PTPRO: variants seen among roughly 807,000 people sequenced by gnomAD.
The protein encoded by PTPRO is receptor-type tyrosine-protein phosphatase O.
A neutral mutation model predicts 145.2 loss-of-function variants in PTPRO; 62 were observed. The observed-to-expected ratio is 0.43, with a 90% CI of 0.35 to 0.53. PTPRO has a LOEUF of 0.53. Among genes scored for constraint, PTPRO ranks in the 20% least tolerant of loss-of-function variants. The pLI is 0.01. For missense variants in PTPRO, 1,345 were observed against 1,482.7 expected, an observed-to-expected ratio of 0.91 and a Z score of 1.53; for synonymous variants, 565 against 514.7, an observed-to-expected ratio of 1.10 and a Z score of -1.32.
chr12:15,488,214 G>A (rs1941930012), intron 2 of PTPRO, among the ~76,000 whole-genome samples: 1 of 152,132 alleles, frequency 6.6e-6, no homozygotes, highest in Non-Finnish European at 1.5e-5. Context: ...TTTCCAAAGA[G>A]TAAAATTAAT....
At chr12:15,579,346 T>C (rs1370400872) in intron 20 of PTPRO, among the ~76,000 whole-genome samples, 1 of 152,224 alleles carries the variant, frequency 6.6e-6, no homozygotes, top group East Asian at 1.9e-4. Context: ...TATAGTTGCT[T>C]AGCATTTTGT....
At chr12:15,569,392 G>C (rs767668332) in intron 18 of PTPRO, 25 bp from the exon 19 acceptor site, 16 of 1,555,830 alleles carry the variant, frequency 1.0e-5, no homozygotes, top group Non-Finnish European at 1.4e-5. Context: ...TAAAATGTAT[G>C]TATATTTCTT....
At chr12:15,495,651 A>C (rs919755883) in intron 2 of PTPRO, among the ~76,000 whole-genome samples, 45 of 152,042 alleles carry the variant, frequency 3.0e-4, no homozygotes, top group African/African-American at 1.1e-3. Flanking sequence ...GACCACCTGG[A>C]AACACCAACT....
intron 17 of PTPRO, among the ~76,000 whole-genome samples, chr12:15,564,102 T>C (rs566850093): frequency 6.6e-6 from 1 of 152,238 alleles, no homozygotes; most frequent in South Asian, 2.1e-4. Context: ...AAGTAAAAAC[T>C]GGACTGATTT....
At chr12:15,382,159 AAT>A (rs144742152) in intron 1 of PTPRO, among the ~76,000 whole-genome samples, 35 of 145,688 alleles carry the variant, frequency 2.4e-4, no homozygotes, top group Non-Finnish European at 3.2e-4. Flanking sequence ...AAAAGTGAGA[AAT>A]ATATATATAT....
intron 1 of PTPRO, among the ~76,000 whole-genome samples, chr12:15,467,169 A>G (rs948021400): frequency 6.6e-6 from 1 of 152,188 alleles, no homozygotes; most frequent in Non-Finnish European, 1.5e-5. Flanking sequence ...ATAGCACACT[A>G]TGCTATTTCC....
intron 10 of PTPRO, among the ~76,000 whole-genome samples, chr12:15,522,420 C>T (rs1314352463): frequency 5.9e-5 from 9 of 151,820 alleles, no homozygotes; most frequent in Admixed American, 5.9e-4. Context: ...TCCCCTTGCC[C>T]CCACCCCCCG....
chr12:15,373,821 C>T (rs1449043888), intron 1 of PTPRO, among the ~76,000 whole-genome samples: 1 of 152,082 alleles, frequency 6.6e-6, no homozygotes, highest in Non-Finnish European at 1.5e-5. Flanking sequence ...AAATGTAATA[C>T]AAAATTCTAA....
At chr12:15,595,855 A>G (rs1391190524) in intron 26 of PTPRO, 1 of 152,322 alleles carries the variant, frequency 6.6e-6, no homozygotes, top group Non-Finnish European at 1.5e-5. Context: ...AGAGAGACAG[A>G]GCGCACAATG....
In PTPRO at chr12:15,597,571, G is replaced by T. The variant is rs546228104; in HGVS notation, c.*1498G>T. ...TTAGTGTTGGTGAAGGATGCCAAAT[G>T]AACAGCTCTGCACCCCACCGTCTCT... is the stretch of plus-strand genomic sequence containing the variant. On this transcript the variant is annotated 3_prime_UTR_variant, in exon 27 of 27. Transcript: ENST00000281171. 2.0e-5 allele frequency among the ~76,000 whole-genome samples: 3 copies of T among 152,156 alleles called. No individual in the cohort carries two copies. Among genetic ancestry groups the T allele is most frequent in the African/African-American group, 2.4e-5 (1 of 41,440 alleles).
At chr12:15,329,235 G>T (rs1261853275) in intron 1 of PTPRO, among the ~76,000 whole-genome samples, 1 of 152,164 alleles carries the variant, frequency 6.6e-6, no homozygotes, top group Non-Finnish European at 1.5e-5. Flanking sequence ...GACCAATTAT[G>T]AGCCTGCTGT....
At chr12:15,376,731 G>A (rs1451876022) in intron 1 of PTPRO, among the ~76,000 whole-genome samples, 2 of 152,092 alleles carry the variant, frequency 1.3e-5, no homozygotes, top group African/African-American at 4.8e-5. Context: ...GTCCTTACAT[G>A]ACAGAATGGG....
Position 15,526,214 on chromosome 12 carries a change from T to A in PTPRO, c.2116T>A (p.Cys706Ser). The A allele has an allele frequency of 6.2e-7, 1 of 1,613,702 alleles. No individual in the cohort carries two copies. The highest frequency in any genetic ancestry group is 8.5e-7 in the Non-Finnish European group (1 of 1,179,700). ...GDIYNLSVTACTERGSNTSML... is the reference protein window; with the variant it reads ...GDIYNLSVTASTERGSNTSML... Reference sequence around the variant, plus strand: ...CATCTATAACCTCTCAGTAACTGCTTGTACTGAAAGAGGAAGTAATACCTC... The same window carrying A: ...CATCTATAACCTCTCAGTAACTGCTAGTACTGAAAGAGGAAGTAATACCTC... Residue 706 changes from cysteine (C) to serine (S), a missense_variant, in exon 12 of 27, where the codon TGT (cysteine) becomes AGT (serine). Around this residue, in one of 3 missense-constraint regions of PTPRO, gnomAD observed 1,130 missense variants for 1,214.7 expected, o/e 0.93. Coordinates refer to ENST00000281171, the MANE Select transcript of PTPRO (RefSeq NM_030667.3).
At chr12:15,477,390 T>A (rs1420975065) in intron 1 of PTPRO, among the ~76,000 whole-genome samples, 1 of 144,642 alleles carries the variant, frequency 6.9e-6, no homozygotes, top group Non-Finnish European at 1.5e-5. Context: ...TTGGGAGATA[T>A]ACCTAATGCT....
chr12:15,501,784 T>A lies in PTPRO; in HGVS notation c.826T>A (p.Ser276Thr). 6.2e-7 allele frequency: 1 copy of A among 1,614,056 alleles called. No homozygotes were observed. The highest frequency in any genetic ancestry group is 8.5e-7 in the Non-Finnish European group (1 of 1,179,984). The change falls in exon 5 of 27, where the codon TCG (serine) becomes ACG (threonine). Residue 276 changes from serine to threonine, a missense_variant. Transcript: ENST00000281171. ...HFTEETPEIP[S>T]GNISSGWPDF... is the part of the protein sequence containing the mutation. Reference sequence around the variant, plus strand: ...TACAGAAGAAACCCCTGAAATTCCCTCGGGCAACATTTCTTCCGGTTGGCC... The same window carrying A: ...TACAGAAGAAACCCCTGAAATTCCCACGGGCAACATTTCTTCCGGTTGGCC...
chr12:15,428,649 A>G (rs1181299873), intron 1 of PTPRO, among the ~76,000 whole-genome samples: 2 of 152,164 alleles, frequency 1.3e-5, no homozygotes, highest in Non-Finnish European at 2.9e-5. Context: ...GTGACAGAAA[A>G]CACAAAATAT....
At chr12:15,422,905 T>C (rs759675543) in intron 1 of PTPRO, among the ~76,000 whole-genome samples, 5 of 152,214 alleles carry the variant, frequency 3.3e-5, no homozygotes, top group Non-Finnish European at 7.3e-5. Context: ...CTCCTCCAGA[T>C]AATAATGAGA....
chr12:15,415,447 C>T (rs1451411787), intron 1 of PTPRO, among the ~76,000 whole-genome samples: 2 of 149,308 alleles, frequency 1.3e-5, no homozygotes, highest in Non-Finnish European at 2.9e-5. Flanking sequence ...TGCAGTGGTG[C>T]AGTCTTGGCT....
intron 5 of PTPRO, among the ~76,000 whole-genome samples, chr12:15,503,291 C>T (rs1942257287): frequency 6.6e-6 from 1 of 151,940 alleles, no homozygotes; most frequent in Non-Finnish European, 1.5e-5. Flanking sequence ...ATAATGACTT[C>T]AAATGAAGTA....
Sources: gnomAD v4.1 joint callset for allele counts (sites outside exome capture counted in the v4.1 genomes callset) on GRCh38, gnomAD v4.1.1 for gene constraint, gnomAD v4.1.1 regional missense constraint, MANE v1.5 for transcripts, NCBI Gene and HGNC (gene_info 2026-07-23, HGNC 2026-07-21) for gene names.